ASCC3: variants seen among roughly 807,000 people sequenced by gnomAD.
ASCC3 encodes ASC-1 complex subunit P200.
Under a neutral mutation model 256.3 loss-of-function variants are expected in ASCC3, and 158 were observed. The ratio of observed to expected loss-of-function variants is 0.62; its 90% CI spans 0.54 to 0.70. The LOEUF is 0.70. ASCC3 is among the 30% of genes least tolerant of loss of function. The probability of loss-of-function intolerance (pLI) is 0.00; values close to 1 mark genes in which losing one functional copy is unlikely to be tolerated. For synonymous variants in ASCC3, 948 were observed against 883.4 expected, an observed-to-expected ratio of 1.07 and a Z score of -1.30; for missense variants, 2,259 against 2,626.0, an observed-to-expected ratio of 0.86 and a Z score of 3.05.
intron 14 of ASCC3, among the ~76,000 whole-genome samples, chr6:100,670,109 T>C (rs1298820783): frequency 2.6e-5 from 4 of 151,964 alleles, no homozygotes; most frequent in African/African-American, 9.7e-5. Context: ...GGGCCAAGAT[T>C]ATGAACAATT....
intron 8 of ASCC3, among the ~76,000 whole-genome samples, chr6:100,793,322 T>C (rs1769442516): frequency 6.6e-6 from 1 of 151,878 alleles, no homozygotes. Context: ...TACTTCAGAG[T>C]ATGGATCCTT....
intron 40 of ASCC3, among the ~76,000 whole-genome samples, chr6:100,510,506 C>T (rs1366431703): frequency 6.6e-6 from 1 of 152,062 alleles, no homozygotes; most frequent in Admixed American, 6.6e-5. Context: ...TCACCAAAAA[C>T]GAATGCTTAA....
rs919025045 is a variant in ASCC3 at position 100,580,688 on chromosome 6, C to A, written c.5550+8946G>T. Among the ~76,000 whole-genome samples, 5 of 151,470 alleles carry A rather than the reference C, an allele frequency of 3.3e-5. No individual in the cohort carries two copies. The South Asian group carries it at 1.0e-3, about 32-fold the overall frequency. On this transcript the variant is annotated intron_variant, in intron 36 of 41. Coordinates refer to ENST00000369162, the MANE Select transcript of ASCC3 (RefSeq NM_006828.4). ...TGCTGGTGCGCTGCACCCACTAACTCGTCATCTAGCATTAGGTATATCTCC... is the reference window on the plus strand; with the variant it reads ...TGCTGGTGCGCTGCACCCACTAACTAGTCATCTAGCATTAGGTATATCTCC...
intron 30 of ASCC3, among the ~76,000 whole-genome samples, chr6:100,609,059 G>C (rs2114820727): frequency 6.6e-6 from 1 of 151,378 alleles, no homozygotes; most frequent in African/African-American, 2.4e-5. Context: ...ACCGCGCCTG[G>C]CCTGCTATAA....
Position 100,881,135 on chromosome 6 carries a change from C to CT in ASCC3, c.-117dup, listed in dbSNP as rs1398787816. On this transcript the variant is annotated 5_prime_UTR_variant, in exon 1 of 42. Coordinates refer to ENST00000369162, the MANE Select transcript of ASCC3 (RefSeq NM_006828.4). ...CGCGCCTTCTTCCCTTTCGGTTTTA[C>CT]TTTAACTTCCCACGCCGGGTGAGGA... 6.6e-6 allele frequency: 1 copy of CT among 152,396 alleles called. No homozygotes were observed. The highest frequency in any genetic ancestry group is 1.5e-5 in the Non-Finnish European group (1 of 68,152). The allele number at this position is 152,396 out of a possible 1,614,324, so 9.4% of individuals were successfully genotyped here.
intron 4 of ASCC3, among the ~76,000 whole-genome samples, chr6:100,828,738 GGTGA>G (rs532078965): frequency 6.6e-6 from 1 of 152,078 alleles, no homozygotes; most frequent in East Asian, 1.9e-4. Context: ...AGACCTTTGT[GGTGA>G]GTGTTACAGC....
chr6:100,790,345 C>T (rs891728678), intron 8 of ASCC3, among the ~76,000 whole-genome samples: 1 of 151,934 alleles, frequency 6.6e-6, no homozygotes, highest in South Asian at 2.1e-4. Context: ...TAGCAAGCTT[C>T]TTAAAGCCAG....
At chr6:100,805,951 C>G in intron 4 of ASCC3, 71 bp from the exon 5 acceptor site, 1 of 1,482,252 alleles carries the variant, frequency 6.7e-7, no homozygotes, top group Non-Finnish European at 9.3e-7. Flanking sequence ...TATTAACAAC[C>G]TATTCAACAG....
intron 30 of ASCC3, among the ~76,000 whole-genome samples, chr6:100,612,885 TATAA>T (rs1289188777): frequency 6.6e-6 from 1 of 151,936 alleles, no homozygotes; most frequent in African/African-American, 2.4e-5. Flanking sequence ...ACTTTCAAAA[TATAA>T]ATATATTTAT....
At chr6:100,528,922 C>T (rs183933202) in intron 37 of ASCC3, among the ~76,000 whole-genome samples, 1 of 152,258 alleles carries the variant, frequency 6.6e-6, no homozygotes, top group Non-Finnish European at 1.5e-5. Flanking sequence ...GAGATATCTG[C>T]TATCTTTTGG....
intron 38 of ASCC3, among the ~76,000 whole-genome samples, 157 bp from the exon 39 acceptor site, chr6:100,516,484 G>A (rs899518380): frequency 6.6e-6 from 1 of 152,094 alleles, no homozygotes. Context: ...CCAGCATTCT[G>A]TATAGGATAA....
chr6:100,579,939 C>T (rs1402324925), intron 36 of ASCC3, among the ~76,000 whole-genome samples: 4 of 152,016 alleles, frequency 2.6e-5, no homozygotes, highest in African/African-American at 9.7e-5. Flanking sequence ...TTAACAATAG[C>T]GATTCTTCCT....
intron 29 of ASCC3, 72 bp downstream of exon 29, chr6:100,627,518 C>T (rs1774301182): frequency 1.9e-6 from 3 of 1,590,398 alleles, no homozygotes; most frequent in African/African-American, 2.7e-5. Flanking sequence ...AAGAAACCAA[C>T]ACCAATTAGA....
chr6:100,766,756 T>C, intron 9 of ASCC3, 51 bp from the exon 10 acceptor site: 1 of 1,609,218 alleles, frequency 6.2e-7, no homozygotes, highest in Non-Finnish European at 8.5e-7. Flanking sequence ...TACCATGTCA[T>C]TTGTCTTACA....
intron 36 of ASCC3, among the ~76,000 whole-genome samples, chr6:100,566,246 G>A (rs1453486560): frequency 6.6e-6 from 1 of 152,136 alleles, no homozygotes; most frequent in Non-Finnish European, 1.5e-5. Flanking sequence ...CAGTAAACCT[G>A]TGAAGATGAA....
Position 100,798,852 on chromosome 6 carries a change from C to A in ASCC3, c.1270-14G>T. 1 of 1,599,306 alleles carries A rather than the reference C, an allele frequency of 6.3e-7. No individual in the cohort carries two copies. The highest frequency in any genetic ancestry group is 8.6e-7 in the Non-Finnish European group (1 of 1,168,868). On this transcript the variant is annotated splice_polypyrimidine_tract_variant and intron_variant, in intron 7 of 41. Transcript: ENST00000369162. ...TGGCAAAATCATCTATAAACATCAA[C>A]AATAAAAATCCAATAATAATAAAAA...
At chr6:100,621,539 T>C (rs149830750) in intron 30 of ASCC3, among the ~76,000 whole-genome samples, 13 of 152,254 alleles carry the variant, frequency 8.5e-5, no homozygotes, top group South Asian at 2.1e-4. Flanking sequence ...CATAGTGAGG[T>C]ACCATCTCAC....
At chr6:100,610,395 C>T (rs1257280030) in intron 30 of ASCC3, among the ~76,000 whole-genome samples, 2 of 151,824 alleles carry the variant, frequency 1.3e-5, no homozygotes, top group African/African-American at 4.8e-5. Context: ...ATTCCAACTG[C>T]TTTCTTGTTC....
At chr6:100,781,225 C>T (rs543549421) in intron 8 of ASCC3, among the ~76,000 whole-genome samples, 50 of 152,198 alleles carry the variant, frequency 3.3e-4, no homozygotes, top group Admixed American at 5.2e-4. Flanking sequence ...ATAAATTGTT[C>T]TACTCACATT....
Sources: gnomAD v4.1 joint callset for allele counts (sites outside exome capture counted in the v4.1 genomes callset) on GRCh38, gnomAD v4.1.1 for gene constraint, MANE v1.5 for transcripts, NCBI Gene and HGNC (gene_info 2026-07-23, HGNC 2026-07-21) for gene names.